Variants in COL5A2 observed in about 807,000 individuals in gnomAD.
COL5A2 encodes the protein collagen alpha-2(V) chain.
COL5A2 carries 23 observed loss-of-function variants against 208.2 expected under a neutral mutation model. The ratio of observed to expected loss-of-function variants is 0.11; its 90% CI spans 0.08 to 0.16. COL5A2 has a LOEUF of 0.16. Ranked by LOEUF, COL5A2 falls within the 10% of genes least tolerant of loss-of-function variation. COL5A2 has a pLI of 1.00. For synonymous variants in COL5A2, 625 were observed against 628.5 expected (o/e 0.99, Z 0.08); for missense variants, 1,590 against 1,956.4 (o/e 0.81, Z 3.53).
chr2:189,140,716 T>C (rs1024998876), intron 1 of COL5A2, among the ~76,000 whole-genome samples: 2 of 152,146 alleles, frequency 1.3e-5, no homozygotes, highest in African/African-American at 4.8e-5. Flanking sequence ...TTGTAGAGGC[T>C]TAATGTATAC....
chr2:189,255,250 C>T, the COL5A2 span, among the ~76,000 whole-genome samples: 1 of 152,096 alleles, frequency 6.6e-6, no homozygotes. Flanking sequence ...ATTAAAAGTC[C>T]AATTCAAATA....
At chr2:189,252,004 T>A in the COL5A2 span, among the ~76,000 whole-genome samples, 1 of 152,006 alleles carries the variant, frequency 6.6e-6, no homozygotes, top group Non-Finnish European at 1.5e-5. Flanking sequence ...AAAAGACACA[T>A]GAAAAAATGC....
chr2:189,074,354 A>G (rs1354642922), intron 17 of COL5A2, among the ~76,000 whole-genome samples: 5 of 152,120 alleles, frequency 3.3e-5, no homozygotes, highest in Non-Finnish European at 7.4e-5. Context: ...TTAAAGGTTC[A>G]TAGTTACAGA....
chr2:189,374,163 A>G, the COL5A2 span, among the ~76,000 whole-genome samples: 3 of 152,224 alleles, frequency 2.0e-5, no homozygotes, highest in African/African-American at 7.2e-5. Context: ...TACTATAAAA[A>G]TATTATAGTA....
At chr2:189,411,305 G>A in the COL5A2 span, among the ~76,000 whole-genome samples, 2 of 151,874 alleles carry the variant, frequency 1.3e-5, no homozygotes, top group African/African-American at 2.4e-5. Context: ...ATGTCTATGT[G>A]CTTTAAACCT....
chr2:189,193,329 G>C (rs1233497161), intron 1 of COL5A2, among the ~76,000 whole-genome samples: 1 of 151,998 alleles, frequency 6.6e-6, no homozygotes, highest in Non-Finnish European at 1.5e-5. Context: ...GAAAGATAAA[G>C]AATAATGAGG....
intron 1 of COL5A2, among the ~76,000 whole-genome samples, chr2:189,154,567 G>C (rs1354616570): frequency 6.6e-6 from 1 of 152,198 alleles, no homozygotes; most frequent in African/African-American, 2.4e-5. Flanking sequence ...CTAGCATGAT[G>C]AGAAATTGCA....
chr2:189,426,745 C>A, the COL5A2 span, among the ~76,000 whole-genome samples: 13 of 152,172 alleles, frequency 8.5e-5, no homozygotes, highest in Non-Finnish European at 1.8e-4. Context: ...CCTGCTCTAG[C>A]GATGTGTGGA....
At chr2:189,041,522 C>T in intron 50 of COL5A2, 64 bp downstream of exon 50, 2 of 1,319,622 alleles carry the variant, frequency 1.5e-6, no homozygotes, top group Non-Finnish European at 2.2e-6. Flanking sequence ...ACAGACATTT[C>T]TTGGACGGAA....
chr2:189,044,783 A>G (rs1340405654), intron 47 of COL5A2, among the ~76,000 whole-genome samples: 1 of 152,178 alleles, frequency 6.6e-6, no homozygotes, highest in Non-Finnish European at 1.5e-5. Flanking sequence ...ATCAGAACAT[A>G]GAAAGAAAAA....
chr2:189,431,278 C>T, the COL5A2 span, among the ~76,000 whole-genome samples: 1 of 152,250 alleles, frequency 6.6e-6, no homozygotes, highest in East Asian at 1.9e-4. Flanking sequence ...AACCAGAGTG[C>T]CTCTTCTCCT....
At chr2:189,368,255 C>T in the COL5A2 span, among the ~76,000 whole-genome samples, 1 of 152,068 alleles carries the variant, frequency 6.6e-6, no homozygotes, top group East Asian at 1.9e-4. Flanking sequence ...TAGAAACATA[C>T]CTTAAATTCA....
At chr2:189,251,254 G>A in the COL5A2 span, among the ~76,000 whole-genome samples, 2 of 152,146 alleles carry the variant, frequency 1.3e-5, no homozygotes, top group Non-Finnish European at 2.9e-5. Flanking sequence ...AGGAGAGAGT[G>A]CCAGTGTGTA....
intron 40 of COL5A2, 111 bp from the exon 41 acceptor site, chr2:189,052,336 T>C (rs1247010750): frequency 2.3e-5 from 23 of 1,012,584 alleles, no homozygotes; most frequent in Non-Finnish European, 3.2e-5. Context: ...TTTCCTTTCA[T>C]GTTGTAAGCA....
At chr2:189,057,522 T>C (rs1039507429) in intron 33 of COL5A2, 95 bp from the exon 34 acceptor site, 18 of 855,556 alleles carry the variant, frequency 2.1e-5, no homozygotes, top group Non-Finnish European at 3.4e-5. Context: ...TGTCAGCAAT[T>C]TCATGTAGTT....
intron 3 of COL5A2, among the ~76,000 whole-genome samples, chr2:189,102,573 T>C (rs1687067523): frequency 1.3e-5 from 2 of 152,138 alleles, no homozygotes; most frequent in Admixed American, 1.3e-4. Context: ...ATAAAGTTCA[T>C]GTACTCAGAT....
intron 5 of COL5A2, 137 bp from the exon 6 acceptor site, chr2:189,097,467 A>G: frequency 1.1e-6 from 1 of 893,868 alleles, no homozygotes; most frequent in Non-Finnish European, 1.8e-6. Flanking sequence ...TATAGAGAAT[A>G]AAGCCATGTG....
chr2:189,069,374 C>T (rs546276143), intron 18 of COL5A2, among the ~76,000 whole-genome samples: 14 of 152,034 alleles, frequency 9.2e-5, no homozygotes, highest in Admixed American at 2.6e-4. Flanking sequence ...TTCTTAAATC[C>T]ACATGGTTTA....
the COL5A2 span, among the ~76,000 whole-genome samples, chr2:189,398,790 T>C: frequency 2.0e-5 from 3 of 152,198 alleles, no homozygotes; most frequent in Admixed American, 6.5e-5. Context: ...ATCTATACTA[T>C]TGTTTTCTTT....
Sources: gnomAD v4.1 joint callset for allele counts (sites outside exome capture counted in the v4.1 genomes callset) on GRCh38, gnomAD v4.1.1 for gene constraint, MANE v1.5 for transcripts, NCBI Gene and HGNC (gene_info 2026-07-23, HGNC 2026-07-21) for gene names.